Variants in SLC41A2 observed in about 807,000 individuals in gnomAD.
SLC41A2 encodes the protein SLC41A1-like 1.
Under a neutral mutation model 58.3 loss-of-function variants are expected in SLC41A2, and 32 were observed. That is an observed-to-expected ratio of 0.55 (90% CI 0.41 to 0.74). The LOEUF (loss-of-function observed/expected upper bound fraction) is 0.74, where lower values mean the gene tolerates loss of function less well. Among genes scored for constraint, SLC41A2 ranks in the 30% least tolerant of loss-of-function variants. The probability of loss-of-function intolerance (pLI) is 0.00; values close to 1 mark genes in which losing one functional copy is unlikely to be tolerated. For synonymous variants in SLC41A2, 190 were observed against 235.0 expected (o/e 0.81, Z 1.75); for missense variants, 514 against 680.6 (o/e 0.76, Z 2.72).
chr12:104,890,999 C>G (rs1386942460), intron 4 of SLC41A2, among the ~76,000 whole-genome samples: 3 of 152,140 alleles, frequency 2.0e-5, no homozygotes, highest in Non-Finnish European at 2.9e-5. Context: ...CATCCTACTC[C>G]CCTCCCACAC....
At chr12:104,883,403 G>T (rs1409093508) in intron 6 of SLC41A2, among the ~76,000 whole-genome samples, 1 of 152,164 alleles carries the variant, frequency 6.6e-6, no homozygotes, top group East Asian at 1.9e-4. Context: ...GAGGCGTTCG[G>T]TTTTTAGAAT....
Position 104,943,953 on chromosome 12 carries a change from C to T in SLC41A2, c.-168+14135G>A, listed in dbSNP as rs185528524. Among the ~76,000 whole-genome samples the T allele has an allele frequency of 4.0e-3, 602 of 152,244 alleles. 3 individuals carry two copies. The highest frequency in any genetic ancestry group is 5.9e-3 in the Non-Finnish European group (400 of 67,998). On this transcript the variant is annotated intron_variant, in intron 1 of 10. Transcript: ENST00000258538. ...GAGGGACAATGATCGGGATATAAAC[C>T]CAGGCATTCGAGGCAGCAACGGCTA...
intron 1 of SLC41A2, among the ~76,000 whole-genome samples, chr12:104,936,639 G>A (rs934395304): frequency 3.3e-5 from 5 of 152,140 alleles, no homozygotes; most frequent in African/African-American, 1.2e-4. Flanking sequence ...TCACTATCAT[G>A]AGAACAGCAC....
chr12:104,873,253 A>T (rs55978406), intron 6 of SLC41A2, among the ~76,000 whole-genome samples: 1,977 of 152,130 alleles, frequency 0.013, 17 homozygotes, highest in Middle Eastern at 0.051. Context: ...ATTTTTAAAG[A>T]TTCTCTATAT....
chr12:104,958,324 C>A, upstream of SLC41A2: 1 of 148,606 alleles, frequency 6.7e-6, no homozygotes, highest in South Asian at 2.0e-4. Flanking sequence ...CCCCCTGACT[C>A]CCCGCCGCCC....
chr12:104,939,357 C>T (rs1314220891), intron 1 of SLC41A2, among the ~76,000 whole-genome samples: 1 of 152,088 alleles, frequency 6.6e-6, no homozygotes, highest in African/African-American at 2.4e-5. Flanking sequence ...GACACCACAC[C>T]CAGCTAATTT....
intron 2 of SLC41A2, among the ~76,000 whole-genome samples, chr12:104,912,954 GGTT>G (rs2046149648): frequency 1.3e-5 from 2 of 152,130 alleles, no homozygotes; most frequent in African/African-American, 4.8e-5. Context: ...CTTCTGTGTT[GGTT>G]GTTGCAACAT....
chr12:104,929,174 T>C (rs1190800449), intron 1 of SLC41A2, among the ~76,000 whole-genome samples: 1 of 152,178 alleles, frequency 6.6e-6, no homozygotes, highest in Non-Finnish European at 1.5e-5. Flanking sequence ...TACATTTTAT[T>C]ATTAAGATAT....
rs58387912 is a variant in SLC41A2 at position 104,922,476 on chromosome 12, G to GTATATA, written c.555+5491_555+5496dup. 1.8e-4 allele frequency among the ~76,000 whole-genome samples: 27 copies of GTATATA among 148,920 alleles called. No homozygotes were observed. The East Asian group carries it at 2.1e-3, about 12-fold the overall frequency. ...AATTCAGCAAGAAGACATAACAATT[G>GTATATA]TATATATATATATATATCCACCCAA... On this transcript the variant is annotated intron_variant, in intron 2 of 10. Coordinates refer to ENST00000258538, the MANE Select transcript of SLC41A2 (RefSeq NM_001352171.3).
At chr12:104,888,711 C>T (rs565326516) in intron 5 of SLC41A2, among the ~76,000 whole-genome samples, 1 of 152,196 alleles carries the variant, frequency 6.6e-6, no homozygotes, top group South Asian at 2.1e-4. Flanking sequence ...AAATCCCCTG[C>T]ATGATGTCCA....
chr12:104,876,199 AT>A (rs1368581020), intron 6 of SLC41A2, among the ~76,000 whole-genome samples: 2 of 151,560 alleles, frequency 1.3e-5, no homozygotes, highest in African/African-American at 4.8e-5. Flanking sequence ...TCACTCTTAT[AT>A]GTTAGAAGAG....
At position 104,889,203 on chromosome 12, in the gene SLC41A2, T is replaced by G. The variant is rs376293686; in HGVS notation, c.736-26A>C. ...CTAAAATTTTTTTCATAAATCCAACTGAATTATTCACTTTAAAAACACATT... is the reference window on the plus strand; with the variant it reads ...CTAAAATTTTTTTCATAAATCCAACGGAATTATTCACTTTAAAAACACATT... On this transcript the variant is annotated intron_variant, in intron 4 of 10. Transcript: ENST00000258538. The G allele has an allele frequency of 1.0e-5, 16 of 1,590,678 alleles. No homozygotes were observed. In the African/African-American group the frequency reaches 2.0e-4, roughly 20 times the overall value.
At chr12:104,901,168 TTGC>T (rs2045541391) in intron 3 of SLC41A2, among the ~76,000 whole-genome samples, 1 of 152,190 alleles carries the variant, frequency 6.6e-6, no homozygotes, top group African/African-American at 2.4e-5. Context: ...GCTAGGTGAT[TTGC>T]TCCTGGGAAA....
chr12:104,807,795 G>A (rs1039459756), intron 10 of SLC41A2, among the ~76,000 whole-genome samples: 13 of 152,236 alleles, frequency 8.5e-5, no homozygotes, highest in African/African-American at 2.6e-4. Context: ...CTTATAAGTT[G>A]GATTCCTAGG....
intron 1 of SLC41A2, among the ~76,000 whole-genome samples, chr12:104,940,792 G>A (rs561021826): frequency 4.0e-5 from 6 of 151,884 alleles, no homozygotes; most frequent in East Asian, 1.9e-4. Flanking sequence ...GGTGGCAGAC[G>A]CCTGTAGTCC....
At chr12:104,854,028 G>A (rs1047864202) in intron 8 of SLC41A2, among the ~76,000 whole-genome samples, 4 of 150,002 alleles carry the variant, frequency 2.7e-5, no homozygotes, top group Non-Finnish European at 5.9e-5. Flanking sequence ...CCAAAGTGCT[G>A]GGGTTATAGA....
chr12:104,880,888 T>C (rs2044333960), intron 6 of SLC41A2, among the ~76,000 whole-genome samples: 1 of 152,230 alleles, frequency 6.6e-6, no homozygotes, highest in Non-Finnish European at 1.5e-5. Flanking sequence ...TCAGAAGGAA[T>C]GATACCAGCT....
At chr12:104,833,800 G>T (rs767674050) in intron 10 of SLC41A2, among the ~76,000 whole-genome samples, 2 of 149,172 alleles carry the variant, frequency 1.3e-5, no homozygotes, top group African/African-American at 2.5e-5. Context: ...TTTTTTTTGT[G>T]GGGGGTGAAT....
chr12:104,810,486 A>T (rs1160890950), intron 10 of SLC41A2, among the ~76,000 whole-genome samples: 1 of 152,204 alleles, frequency 6.6e-6, no homozygotes, highest in Non-Finnish European at 1.5e-5. Context: ...TATATGATAC[A>T]TACACCATTT....
Sources: allele counts gnomAD v4.1 joint callset (sites outside exome capture counted in the v4.1 genomes callset), GRCh38; gene constraint gnomAD v4.1.1; transcripts MANE v1.5; gene names NCBI Gene and HGNC (gene_info 2026-07-23, HGNC 2026-07-21).